The following EYS variants were observed in gnomAD, a reference collection of about 807,000 sequenced individuals.
EYS encodes the protein protein eyes shut homolog.
EYS carries 250 observed loss-of-function variants against 282.1 expected under a neutral mutation model. The observed-to-expected ratio is 0.89, with a 90% CI of 0.80 to 0.98. The LOEUF (loss-of-function observed/expected upper bound fraction) is 0.98. EYS is among the 50% of genes least tolerant of loss of function. The pLI, the probability that EYS is intolerant of heterozygous loss-of-function variation, is 0.00. For missense variants in EYS, 4,016 were observed against 3,709.0 expected (o/e 1.08, Z -2.15); for synonymous variants, 1,355 against 1,282.9 (o/e 1.06, Z -1.20).
intron 19 of EYS, among the ~76,000 whole-genome samples, chr6:64,831,914 G>A (rs924664208): frequency 1.5e-4 from 23 of 152,010 alleles, no homozygotes; most frequent in African/African-American, 3.6e-4. Flanking sequence ...GTCAAGAAAG[G>A]TATGTGAAAT....
At chr6:64,242,862 A>G (rs1390842882) in intron 30 of EYS, among the ~76,000 whole-genome samples, 1 of 147,114 alleles carries the variant, frequency 6.8e-6, no homozygotes, top group African/African-American at 2.5e-5. Flanking sequence ...TATAACATGA[A>G]TTATATAAAT....
chr6:64,847,371 T>G (rs1765748784), intron 19 of EYS, among the ~76,000 whole-genome samples: 1 of 152,020 alleles, frequency 6.6e-6, no homozygotes, highest in African/African-American at 2.4e-5. Context: ...CAAAAATGAT[T>G]TACAAAAATC....
At chr6:64,993,325 C>T (rs984854962) in intron 14 of EYS, among the ~76,000 whole-genome samples, 2 of 151,710 alleles carry the variant, frequency 1.3e-5, no homozygotes, top group African/African-American at 4.8e-5. Flanking sequence ...ATTTATAATC[C>T]TCTGGGTATA....
At chr6:65,053,485 A>T (rs1435778459) in intron 13 of EYS, among the ~76,000 whole-genome samples, 10 of 151,860 alleles carry the variant, frequency 6.6e-5, no homozygotes, top group Non-Finnish European at 1.5e-4. Flanking sequence ...TATATAAAAA[A>T]GATAGACATC....
intron 22 of EYS, among the ~76,000 whole-genome samples, chr6:64,747,773 T>G (rs1196434597): frequency 6.6e-6 from 1 of 152,220 alleles, no homozygotes; most frequent in East Asian, 1.9e-4. Context: ...GGGATTTACA[T>G]TGAAAATTCT....
intron 26 of EYS, among the ~76,000 whole-genome samples, chr6:64,504,538 A>G (rs952515580): frequency 9.9e-5 from 15 of 152,180 alleles, no homozygotes; most frequent in African/African-American, 3.6e-4. Flanking sequence ...GACATTCACT[A>G]CTGCTGTCAG....
intron 6 of EYS, among the ~76,000 whole-genome samples, chr6:65,403,147 A>C (rs1300639748): frequency 6.6e-6 from 1 of 152,090 alleles, no homozygotes; most frequent in Non-Finnish European, 1.5e-5. Flanking sequence ...TAGCTGAGAC[A>C]AGTCAGCTCA....
intron 22 of EYS, among the ~76,000 whole-genome samples, chr6:64,790,609 A>G (rs1285655408): frequency 6.6e-6 from 1 of 152,010 alleles, no homozygotes; most frequent in African/African-American, 2.4e-5. Flanking sequence ...AAATTGCAAT[A>G]GAACTTTCAC....
chr6:65,462,823 T>G (rs932059288), intron 5 of EYS, among the ~76,000 whole-genome samples: 2 of 152,122 alleles, frequency 1.3e-5, no homozygotes, highest in African/African-American at 4.8e-5. Context: ...TAATATGTGT[T>G]GTCAATGTGT....
intron 12 of EYS, among the ~76,000 whole-genome samples, chr6:65,221,974 C>G (rs896779502): frequency 6.6e-6 from 1 of 152,100 alleles, no homozygotes; most frequent in African/African-American, 2.4e-5. Flanking sequence ...GACCTGTAGC[C>G]CTTCCTTTTG....
At chr6:64,706,121 G>A (rs1398198745) in intron 22 of EYS, among the ~76,000 whole-genome samples, 1 of 150,974 alleles carries the variant, frequency 6.6e-6, no homozygotes, top group African/African-American at 2.4e-5. Context: ...ACAAAAATAA[G>A]CACATAGATC....
chr6:64,576,879 A>G (rs1765898194), intron 26 of EYS, among the ~76,000 whole-genome samples: 1 of 152,130 alleles, frequency 6.6e-6, no homozygotes, highest in Non-Finnish European at 1.5e-5. Context: ...CTCAACTTCC[A>G]ATAACTCAGA....
chr6:64,102,235 C>T (rs890309124), intron 31 of EYS, among the ~76,000 whole-genome samples: 3 of 151,972 alleles, frequency 2.0e-5, no homozygotes, highest in Non-Finnish European at 4.4e-5. Context: ...ATATTAAGTT[C>T]CCAAGTATTT....
chr6:64,642,659 G>T (rs965998528), intron 22 of EYS, among the ~76,000 whole-genome samples: 1 of 152,176 alleles, frequency 6.6e-6, no homozygotes, highest in Non-Finnish European at 1.5e-5. Context: ...TGAGTAGCCA[G>T]GGTTCCTGCC....
intron 1 of EYS, among the ~76,000 whole-genome samples, chr6:65,662,652 T>C (rs935075103): frequency 2.0e-5 from 3 of 152,192 alleles, no homozygotes; most frequent in African/African-American, 7.2e-5. Context: ...AGGGTGGATG[T>C]GGAAACCCCG....
intron 7 of EYS, among the ~76,000 whole-genome samples, chr6:65,389,119 C>T (rs1421565900): frequency 6.6e-6 from 1 of 152,072 alleles, no homozygotes; most frequent in Non-Finnish European, 1.5e-5. Flanking sequence ...GTACAGTTTC[C>T]TTTCAAAACA....
At chr6:65,201,280 T>G (rs909078291) in intron 12 of EYS, among the ~76,000 whole-genome samples, 5 of 152,166 alleles carry the variant, frequency 3.3e-5, no homozygotes, top group Non-Finnish European at 7.4e-5. Flanking sequence ...ATTATTGACT[T>G]AGTATGTTAA....
intron 29 of EYS, among the ~76,000 whole-genome samples, chr6:64,340,198 A>G (rs375207844): frequency 2.2e-4 from 34 of 151,686 alleles, no homozygotes; most frequent in Admixed American, 4.6e-4. Flanking sequence ...TGTAAAAAAA[A>G]AAAGAAAGAA....
intron 33 of EYS, among the ~76,000 whole-genome samples, chr6:64,017,350 G>T (rs181991209): frequency 6.6e-6 from 1 of 152,146 alleles, no homozygotes; most frequent in African/African-American, 2.4e-5. Context: ...TGCATGCTGG[G>T]GGTGGGAGAT....
Sources: allele counts gnomAD v4.1 joint callset (sites outside exome capture counted in the v4.1 genomes callset), GRCh38; gene constraint gnomAD v4.1.1; transcripts MANE v1.5; gene names NCBI Gene and HGNC (gene_info 2026-07-23, HGNC 2026-07-21).